Variants in SV2B observed in about 807,000 individuals in gnomAD.
SV2B encodes the protein synaptic vesicle glycoprotein 2B.
SV2B carries 41 observed loss-of-function variants against 73.9 expected under a neutral mutation model. The ratio of observed to expected loss-of-function variants is 0.56; its 90% confidence interval spans 0.43 to 0.72. SV2B has a LOEUF of 0.72. SV2B is among the 30% of genes least tolerant of loss of function. The pLI is 0.00. For missense variants in SV2B, 764 were observed against 857.8 expected (o/e 0.89, Z 1.37); for synonymous variants, 314 against 314.2 (o/e 1.00, Z 0.01).
rs1403842969 is a variant in SV2B, at chr15:91,176,785, A to ATAT, written c.-391-49085_-391-49083dup. On this transcript the variant is annotated intron_variant, in intron 1 of 12. Coordinates refer to ENST00000394232, the MANE Select transcript of SV2B (RefSeq NM_001323032.3). Reference sequence around the variant, plus strand: ...TGTTTGAGTTCATTGTAGATTCTGGATATTAGCCCTTTGTCGGATGAGTAG... The same window carrying ATAT: ...TGTTTGAGTTCATTGTAGATTCTGGATATTATTAGCCCTTTGTCGGATGAGTAG... 2.6e-3 allele frequency among the ~76,000 whole-genome samples: 387 copies of ATAT among 151,324 alleles called. 1 individual carries two copies. The highest frequency in any genetic ancestry group is 8.7e-3 in the African/African-American group (358 of 41,152).
rs1286269356 is a variant in SV2B at position 91,261,621 on chromosome 15, A to G, written c.1008+1212A>G. Among the ~76,000 whole-genome samples the G allele has an allele frequency of 6.6e-6, 1 of 152,130 alleles. No homozygotes were observed. On this transcript the variant is annotated intron_variant, in intron 6 of 12. Transcript: ENST00000394232. The surrounding 1 kb of genome is among the most constrained non-coding windows in gnomAD (Gnocchi z 4.7). ...TGGCTCAGAGAGCTTGGATATTTTT[A>G]TAGCTCTTGAGATACATTGCCAAAT...
At position 91,115,182 on chromosome 15, in the gene SV2B, C is replaced by T. The variant is rs1007802746; in HGVS notation, c.-392+14819C>T. 8.5e-5 allele frequency among the ~76,000 whole-genome samples: 13 copies of T among 152,168 alleles called. No individual in the cohort carries two copies. The highest frequency in any genetic ancestry group is 2.9e-4 in the African/African-American group (12 of 41,432). ...GCTTCTCTTGCTGAAATAAAGATTA[C>T]AAAGTGCTACCTTTAAAGGAAAATT... On this transcript the variant is annotated intron_variant, in intron 1 of 12. Transcript: ENST00000394232. This position sits in a 1 kb window ranked among gnomAD's most constrained non-coding sequence, Gnocchi z 4.3.
At position 91,122,015 on chromosome 15, in the gene SV2B, T is replaced by G. The variant is rs2042352685; in HGVS notation, c.-392+21652T>G. Among the ~76,000 whole-genome samples, 1 of 152,026 alleles carries G rather than the reference T, an allele frequency of 6.6e-6. No homozygotes were observed. Among genetic ancestry groups the G allele is most frequent in the African/African-American group, 2.4e-5 (1 of 41,390 alleles). On this transcript the variant is annotated intron_variant, in intron 1 of 12. Transcript: ENST00000394232. The surrounding 1 kb of genome is among the most constrained non-coding windows in gnomAD (Gnocchi z 4.3). ...GGTCTCGATCTCCTGACTTCATGATTCGCCTGCCTTGGCCTCCCAAAGTGC... is the reference window on the plus strand; with the variant it reads ...GGTCTCGATCTCCTGACTTCATGATGCGCCTGCCTTGGCCTCCCAAAGTGC...
chr15:91,226,630 G>T lies in SV2B; in HGVS notation c.367G>T (p.Gly123Trp), dbSNP rs201835444. The T allele has an allele frequency of 6.2e-7, 1 of 1,614,156 alleles. No homozygotes were observed. The highest frequency in any genetic ancestry group is 2.2e-5 in the East Asian group (1 of 44,886). ...CTTGGGTTTGGCCCTGATGGCCGATGGGGTGGAAGTGTTCGTGGTGAGTTT... is the reference window on the plus strand; with the variant it reads ...CTTGGGTTTGGCCCTGATGGCCGATTGGGTGGAAGTGTTCGTGGTGAGTTT... ...FVLGLALMADGVEVFVVSFAL... is the reference protein window; with the variant it reads ...FVLGLALMADWVEVFVVSFAL... Residue 123 changes from glycine to tryptophan, a missense_variant, in exon 2 of 13, where the codon GGG (glycine) becomes TGG (tryptophan). Gly to Trp is a radical substitution (Grantham distance 184). Transcript: ENST00000394232.
chr15:91,292,775 G>A lies in SV2B; in HGVS notation c.*223G>A. ...GCCACCCTTAGAATCACAGAGCTGC[G>A]TGTTTAACTTCAAGTCTTCCCAGTC... On this transcript the variant is annotated 3_prime_UTR_variant, in exon 13 of 13. Coordinates refer to ENST00000394232, the MANE Select transcript of SV2B (RefSeq NM_001323032.3). 3 of 471,020 alleles carry A rather than the reference G, an allele frequency of 6.4e-6. No individual in the cohort carries two copies. Among genetic ancestry groups the A allele is most frequent in the Admixed American group, 3.9e-5 (1 of 25,512 alleles). The allele number at this position is 471,020 out of a possible 1,614,324, so 29.2% of individuals were successfully genotyped here.
Position 91,121,736 on chromosome 15 carries a change from C to T in SV2B, c.-392+21373C>T, listed in dbSNP as rs57680601. Among the ~76,000 whole-genome samples the T allele has an allele frequency of 2.0e-3, 294 of 150,446 alleles. No individual in the cohort carries two copies. The highest frequency in any genetic ancestry group is 6.3e-3 in the African/African-American group (253 of 40,118). On this transcript the variant is annotated intron_variant, in intron 1 of 12. Transcript: ENST00000394232. The surrounding 1 kb of genome is among the most constrained non-coding windows in gnomAD (Gnocchi z 4.4). ...TCCTTTACACCACTCCTTTCCCCTT[C>T]GCGCTCACCTCAAGAAACCATCTAT... is the stretch of plus-strand genomic sequence containing the variant.
intron 2 of SV2B, among the ~76,000 whole-genome samples, chr15:91,230,314 C>G (rs1357238192): frequency 6.6e-6 from 1 of 151,572 alleles, no homozygotes; most frequent in Non-Finnish European, 1.5e-5. Flanking sequence ...CTCTTGACTC[C>G]TACTTGATGG....
At chr15:91,213,267 C>T (rs1393809698) in intron 1 of SV2B, among the ~76,000 whole-genome samples, 5 of 152,182 alleles carry the variant, frequency 3.3e-5, no homozygotes, top group African/African-American at 4.8e-5. Context: ...CTCATGGGCA[C>T]ATTTAACTTT....
chr15:91,285,470 CCT>C (rs1347841891), intron 11 of SV2B, among the ~76,000 whole-genome samples: 1 of 152,160 alleles, frequency 6.6e-6, no homozygotes, highest in African/African-American at 2.4e-5. Flanking sequence ...AAGAAGATGG[CCT>C]CTTTCCTAGG....
At chr15:91,151,616 A>G (rs2043314848) in intron 1 of SV2B, among the ~76,000 whole-genome samples, 1 of 152,226 alleles carries the variant, frequency 6.6e-6, no homozygotes, top group Non-Finnish European at 1.5e-5. Flanking sequence ...GTAAAATGAA[A>G]ATAAAGCTTA....
rs940946638 is a variant in SV2B, at chr15:91,136,017, A to T, written c.-392+35654A>T. The stretch of plus-strand genomic sequence containing the variant: ...GCCTCTTCCCCAACACACACACTTG[A>T]TTTTTTTTTTGGCATGTGTAGATAT... On this transcript the variant is annotated intron_variant, in intron 1 of 12. Coordinates refer to ENST00000394232, the MANE Select transcript of SV2B (RefSeq NM_001323032.3). The surrounding 1 kb of genome is among the most constrained non-coding windows in gnomAD (Gnocchi z 5.6). Among the ~76,000 whole-genome samples, 2 of 150,210 alleles carry T rather than the reference A, an allele frequency of 1.3e-5. No individual in the cohort carries two copies. The highest frequency in any genetic ancestry group is 3.0e-5 in the Non-Finnish European group (2 of 67,342).
rs1393414228 is a variant in SV2B, at chr15:91,258,871, T to A, written c.918+317T>A. On this transcript the variant is annotated intron_variant, in intron 5 of 12. Coordinates refer to ENST00000394232, the MANE Select transcript of SV2B (RefSeq NM_001323032.3). This position sits in a 1 kb window ranked among gnomAD's most constrained non-coding sequence, Gnocchi z 4.7. ...TCATGGCACCCACTGTCCCCCGAGGTCCTGATTAGGAAGTTTTTTAGCCTG... is the reference window on the plus strand; with the variant it reads ...TCATGGCACCCACTGTCCCCCGAGGACCTGATTAGGAAGTTTTTTAGCCTG... Among the ~76,000 whole-genome samples, 1 of 147,822 alleles carries A rather than the reference T, an allele frequency of 6.8e-6. No individual in the cohort carries two copies. The highest frequency in any genetic ancestry group is 1.5e-5 in the Non-Finnish European group (1 of 67,388).
chr15:91,260,234 T>C (rs1325489299), intron 5 of SV2B, 86 bp from the exon 6 acceptor site: 4 of 1,175,898 alleles, frequency 3.4e-6, no homozygotes, highest in Non-Finnish European at 4.8e-6. Context: ...AACATTCCCA[T>C]TGAGTTTGTA....
At chr15:91,192,763 C>T (rs547203798) in intron 1 of SV2B, among the ~76,000 whole-genome samples, 11 of 152,208 alleles carry the variant, frequency 7.2e-5, no homozygotes, top group African/African-American at 2.4e-4. Context: ...GAGTTTTGCT[C>T]GTAGTGGACA....
chr15:91,119,316 G>C (rs904434299), intron 1 of SV2B, among the ~76,000 whole-genome samples: 5 of 152,186 alleles, frequency 3.3e-5, no homozygotes, highest in African/African-American at 4.8e-5. Flanking sequence ...TTTGTCATTT[G>C]AGACGCGAGT....
rs142357505 is a variant in SV2B at position 91,287,717 on chromosome 15, G to A, written c.1709-1804G>A. ...TGGACTGCATACTTAGATTCCTGGA[G>A]GGGAAAAGGGATTCACCCCAGATAG... On this transcript the variant is annotated intron_variant, in intron 11 of 12. Transcript: ENST00000394232. 1.0e-3 allele frequency among the ~76,000 whole-genome samples: 155 copies of A among 152,316 alleles called. 1 individual carries two copies. Among genetic ancestry groups the A allele is most frequent in the African/African-American group, 3.3e-3 (138 of 41,564 alleles).
chr15:91,225,763 C>T (rs1316995097), intron 1 of SV2B, 110 bp from the exon 2 acceptor site: 5 of 157,540 alleles, frequency 3.2e-5, no homozygotes, highest in Admixed American at 6.5e-5. Flanking sequence ...TTTCTCCCAC[C>T]TTACACATGA....
intron 1 of SV2B, among the ~76,000 whole-genome samples, chr15:91,191,063 CTTTT>C (rs59849012): frequency 0.071 from 4,558 of 64,188 alleles, 351 homozygotes; most frequent in African/African-American, 0.23. Flanking sequence ...TTTGGTGTTT[CTTTT>C]TTTTTTTTTT....
At chr15:91,259,681 T>G (rs1189950151) in intron 5 of SV2B, among the ~76,000 whole-genome samples, 2 of 152,136 alleles carry the variant, frequency 1.3e-5, no homozygotes, top group African/African-American at 4.8e-5. Flanking sequence ...CAGATTCTGG[T>G]GGTTTGTGGC....
Sources: gnomAD v4.1 joint callset for allele counts (sites outside exome capture counted in the v4.1 genomes callset) on GRCh38, gnomAD v4.1.1 for gene constraint, Gnocchi (gnomAD v3.1) non-coding constraint, MANE v1.5 for transcripts, NCBI Gene and HGNC (gene_info 2026-07-23, HGNC 2026-07-21) for gene names.